TSPAN13: variants seen among roughly 807,000 people sequenced by gnomAD.
TSPAN13 encodes the protein tetraspanin 13, also known as tetraspanin-13.
Under a neutral mutation model 26.9 loss-of-function variants are expected in TSPAN13, and 18 were observed. The ratio of observed to expected loss-of-function variants is 0.67; its 90% CI spans 0.46 to 0.99. TSPAN13 has a LOEUF of 0.99. Ranked by LOEUF, TSPAN13 falls within the 50% of genes least tolerant of loss-of-function variation. TSPAN13 has a pLI of 0.00. For missense variants in TSPAN13, 201 were observed against 249.6 expected, an observed-to-expected ratio of 0.81 and a Z score of 1.31; for synonymous variants, 116 against 98.4, an observed-to-expected ratio of 1.18 and a Z score of -1.06.
intron 1 of TSPAN13, among the ~76,000 whole-genome samples, chr7:16,765,722 A>C (rs1784597325): frequency 6.6e-6 from 1 of 152,238 alleles, no homozygotes; most frequent in Non-Finnish European, 1.5e-5. Flanking sequence ...ATTAACAGAC[A>C]CATAATTCCT....
At chr7:16,775,088 T>C (rs768730540) in intron 1 of TSPAN13, among the ~76,000 whole-genome samples, 6 of 152,208 alleles carry the variant, frequency 3.9e-5, no homozygotes, top group Non-Finnish European at 7.3e-5. Flanking sequence ...CTAGAAAATA[T>C]ATTTTTTTAT....
intron 1 of TSPAN13, among the ~76,000 whole-genome samples, chr7:16,755,973 A>G (rs933534393): frequency 1.3e-5 from 2 of 152,204 alleles, no homozygotes; most frequent in African/African-American, 4.8e-5. Context: ...TCACGGGACA[A>G]TAAAAATGGC....
chr7:16,761,783 C>T (rs958228506), intron 1 of TSPAN13, among the ~76,000 whole-genome samples: 5 of 141,326 alleles, frequency 3.5e-5, no homozygotes, highest in Admixed American at 7.7e-5. Flanking sequence ...ATTCCTCTTG[C>T]ATTGGCTTCC....
chr7:16,762,887 A>C (rs1784560668), intron 1 of TSPAN13, among the ~76,000 whole-genome samples: 1 of 152,140 alleles, frequency 6.6e-6, no homozygotes, highest in South Asian at 2.1e-4. Context: ...GATCTATTGA[A>C]ATATTATCGA....
chr7:16,766,058 A>G (rs1784600215), intron 1 of TSPAN13, among the ~76,000 whole-genome samples: 1 of 152,220 alleles, frequency 6.6e-6, no homozygotes, highest in Non-Finnish European at 1.5e-5. Context: ...TCTCCTTTTT[A>G]GTAAAGTTAA....
chr7:16,780,937 G>A (rs914279649), intron 5 of TSPAN13, among the ~76,000 whole-genome samples: 1 of 152,150 alleles, frequency 6.6e-6, no homozygotes, highest in African/African-American at 2.4e-5. Flanking sequence ...TTTAGATAGT[G>A]ATAGTGGTAG....
intron 1 of TSPAN13, chr7:16,775,975 A>T (rs2115334402): frequency 4.8e-6 from 2 of 412,456 alleles, no homozygotes; most frequent in East Asian, 7.6e-5. Flanking sequence ...TTTGCGTATT[A>T]TCAGTCTTTT....
chr7:16,754,074 CCT>C (rs879287699), intron 1 of TSPAN13, 44 bp downstream of exon 1: 59 of 1,595,164 alleles, frequency 3.7e-5, no homozygotes, highest in Non-Finnish European at 5.1e-5. Context: ...GGGCTTTGCA[CCT>C]GCTTGGGAGC....
rs1037021869 is a variant in TSPAN13, at chr7:16,753,756, C to G, written c.-212C>G. 1.8e-5 allele frequency: 8 copies of G among 442,106 alleles called. No individual in the cohort carries two copies. Among genetic ancestry groups the G allele is most frequent in the African/African-American group, 1.0e-4 (5 of 47,626 alleles). The allele number at this position is 442,106 out of a possible 1,614,324, so 27.4% of individuals were successfully genotyped here. On this transcript the variant is annotated 5_prime_UTR_variant, in exon 1 of 6. Transcript: ENST00000262067. ...CTGGGCGGGGCTCGGGCTCCTGCTCCGGCTCAGCTGCGGCGGCCGCAGGTT... is the reference window on the plus strand; with the variant it reads ...CTGGGCGGGGCTCGGGCTCCTGCTCGGGCTCAGCTGCGGCGGCCGCAGGTT...
intron 5 of TSPAN13, among the ~76,000 whole-genome samples, chr7:16,781,621 T>C (rs1784814220): frequency 6.6e-6 from 1 of 152,196 alleles, no homozygotes; most frequent in South Asian, 2.1e-4. Context: ...AATACAATTC[T>C]GGTAAAATGT....
intron 1 of TSPAN13, among the ~76,000 whole-genome samples, chr7:16,766,973 C>A (rs9647972): frequency 0.031 from 4,737 of 152,002 alleles, 100 homozygotes; most frequent in Non-Finnish European, 0.047. Flanking sequence ...TCTTTGTTGC[C>A]CAGGCTGGAG....
intron 1 of TSPAN13, among the ~76,000 whole-genome samples, chr7:16,774,199 G>A (rs1784713909): frequency 6.6e-6 from 1 of 152,136 alleles, no homozygotes; most frequent in Admixed American, 6.6e-5. Flanking sequence ...TGCCAGTCAC[G>A]ACAATCATGT....
At chr7:16,776,809 A>T (rs1309210669) in intron 2 of TSPAN13, among the ~76,000 whole-genome samples, 1 of 152,220 alleles carries the variant, frequency 6.6e-6, no homozygotes, top group East Asian at 1.9e-4. Flanking sequence ...ATGAAATTCT[A>T]ATCTAGTTTT....
chr7:16,760,449 T>A (rs143269281), intron 1 of TSPAN13, among the ~76,000 whole-genome samples: 55 of 152,290 alleles, frequency 3.6e-4, no homozygotes, highest in Non-Finnish European at 5.6e-4. Context: ...AGGATAGATT[T>A]GCCGTTAACT....
intron 1 of TSPAN13, among the ~76,000 whole-genome samples, chr7:16,773,087 A>C (rs183297743): frequency 1.3e-5 from 2 of 149,986 alleles, no homozygotes; most frequent in East Asian, 4.0e-4. Context: ...CAGCTGGGCT[A>C]TTCTGTTTAT....
At chr7:16,756,342 T>C (rs1052995114) in intron 1 of TSPAN13, among the ~76,000 whole-genome samples, 2 of 152,246 alleles carry the variant, frequency 1.3e-5, no homozygotes, top group African/African-American at 4.8e-5. Flanking sequence ...TAAAATGTGC[T>C]CAACGCTACA....
At chr7:16,774,332 C>T (rs1784715440) in intron 1 of TSPAN13, among the ~76,000 whole-genome samples, 1 of 152,160 alleles carries the variant, frequency 6.6e-6, no homozygotes, top group Non-Finnish European at 1.5e-5. Flanking sequence ...AGAAGTACAG[C>T]AAGCTGCTCT....
intron 3 of TSPAN13, 24 bp downstream of exon 3, chr7:16,777,146 A>G (rs1562520868): frequency 1.3e-6 from 2 of 1,508,096 alleles, no homozygotes; most frequent in Non-Finnish European, 9.2e-7. Context: ...TTTTTCTTCT[A>G]CTTTATTATA....
chr7:16,772,495 T>A (rs888883499), intron 1 of TSPAN13, among the ~76,000 whole-genome samples: 2 of 152,228 alleles, frequency 1.3e-5, no homozygotes, highest in Non-Finnish European at 2.9e-5. Flanking sequence ...TTCCATTTTC[T>A]GGTGGCTGCT....
Sources: allele counts gnomAD v4.1 joint callset (sites outside exome capture counted in the v4.1 genomes callset), GRCh38; gene constraint gnomAD v4.1.1; transcripts MANE v1.5; gene names NCBI Gene and HGNC (gene_info 2026-07-23, HGNC 2026-07-21).